Variants in FAM171B observed in about 807,000 individuals in gnomAD.
The protein encoded by FAM171B is family with sequence similarity 171 member B.
In FAM171B, 19 loss-of-function variants were observed where a neutral mutation model predicts 75.6. The observed-to-expected ratio is 0.25, with a 90% CI of 0.18 to 0.37. The LOEUF (loss-of-function observed/expected upper bound fraction) is 0.37, where lower values mean the gene tolerates loss of function less well. Ranked by LOEUF, FAM171B falls within the 10% of genes least tolerant of loss-of-function variation. The pLI is 1.00. For synonymous variants in FAM171B, 367 were observed against 361.7 expected (o/e 1.01, Z -0.17); for missense variants, 848 against 982.4 (o/e 0.86, Z 1.83).
At chr2:186,734,702 C>T (rs938298737) in intron 1 of FAM171B, among the ~76,000 whole-genome samples, 3 of 152,288 alleles carry the variant, frequency 2.0e-5, no homozygotes, top group East Asian at 1.9e-4. Flanking sequence ...ACCTGGCCCC[C>T]GTGCTTCAGG....
At chr2:186,751,029 A>G (rs1463067975) in intron 4 of FAM171B, 105 bp from the exon 5 acceptor site, 7 of 821,556 alleles carry the variant, frequency 8.5e-6, no homozygotes, top group Non-Finnish European at 1.3e-5. Flanking sequence ...ATTAAAATAG[A>G]TAACCCTTGG....
In FAM171B at chr2:186,751,223, CA is replaced by C; in HGVS notation, c.816del (p.Val273PhefsTer8). On this transcript the variant is annotated frameshift_variant, in exon 5 of 8. Coordinates refer to ENST00000304698, the MANE Select transcript of FAM171B (RefSeq NM_177454.4). LOFTEE classifies it high-confidence loss of function. ...GKELKVNGSI[Q>X]VSLPLLRLND... ...AGAACTAAAGGTCAATGGCTCTATT[CA>C]AGTTTCTCTTCCTCTTCTACGTCTG... 1 of 1,611,810 alleles carries C rather than the reference CA, an allele frequency of 6.2e-7. No individual in the cohort carries two copies. The highest frequency in any genetic ancestry group is 1.7e-4 in the Middle Eastern group (1 of 6,050).
chr2:186,734,625 C>T (rs1366284093), intron 1 of FAM171B, among the ~76,000 whole-genome samples: 2 of 152,176 alleles, frequency 1.3e-5, no homozygotes, highest in Non-Finnish European at 2.9e-5. Flanking sequence ...GAAGTACATG[C>T]TGATTGGTCC....
At chr2:186,733,652 G>C (rs1280870580) in intron 1 of FAM171B, among the ~76,000 whole-genome samples, 1 of 152,188 alleles carries the variant, frequency 6.6e-6, no homozygotes, top group Non-Finnish European at 1.5e-5. Context: ...GAGTGAGTGT[G>C]GGTGAGTGGG....
intron 4 of FAM171B, among the ~76,000 whole-genome samples, chr2:186,749,936 G>A (rs1047405850): frequency 7.9e-5 from 12 of 151,958 alleles, no homozygotes; most frequent in African/African-American, 1.7e-4. Context: ...AACTGATGAG[G>A]AGTAAATACA....
chr2:186,722,376 A>G (rs1355136691), intron 1 of FAM171B, among the ~76,000 whole-genome samples: 1 of 152,182 alleles, frequency 6.6e-6, no homozygotes, highest in Non-Finnish European at 1.5e-5. Flanking sequence ...AAGATTGATC[A>G]CACTGTTTCT....
At chr2:186,755,226 G>A (rs1690516534) in intron 6 of FAM171B, among the ~76,000 whole-genome samples, 1 of 151,782 alleles carries the variant, frequency 6.6e-6, no homozygotes, top group Admixed American at 6.6e-5. Flanking sequence ...CCACTTCCTG[G>A]GCCTTTTCAG....
intron 1 of FAM171B, among the ~76,000 whole-genome samples, chr2:186,738,360 A>G (rs1419330523): frequency 6.6e-6 from 1 of 151,724 alleles, no homozygotes; most frequent in East Asian, 1.9e-4. Flanking sequence ...AATTTTATTG[A>G]GCAACAAAAG....
intron 1 of FAM171B, among the ~76,000 whole-genome samples, chr2:186,699,237 C>T (rs1243499282): frequency 6.6e-6 from 1 of 152,090 alleles, no homozygotes; most frequent in Non-Finnish European, 1.5e-5. Context: ...AATTTACATT[C>T]CCACCAGTGG....
At chr2:186,737,940 C>T (rs773207341) in intron 1 of FAM171B, among the ~76,000 whole-genome samples, 1 of 152,210 alleles carries the variant, frequency 6.6e-6, no homozygotes, top group African/African-American at 2.4e-5. Context: ...GTGCTCGGCT[C>T]GCGCCTGCTC....
In FAM171B at chr2:186,747,101, C is replaced by A; in HGVS notation, c.575C>A (p.Ser192Tyr). The change falls in exon 4 of 8, where the codon TCT becomes TAT. Residue 192 changes from serine (S) to tyrosine (Y), a missense_variant. Physicochemically the swap from Ser to Tyr is moderately radical, Grantham distance 144. Coordinates refer to ENST00000304698, the MANE Select transcript of FAM171B (RefSeq NM_177454.4). Reference protein sequence around the residue: ...LITGKLADAKSQPSVQFSKAL... With the variant: ...LITGKLADAKYQPSVQFSKAL... ...GTTTCCTTTTTTCCAGATGCCAAGT[C>A]TCAACCAAGTGTTCAGTTTTCAAAA... 2 of 1,587,906 alleles carry A rather than the reference C, an allele frequency of 1.3e-6. No homozygotes were observed. The highest frequency in any genetic ancestry group is 2.3e-5 in the South Asian group (2 of 85,162).
chr2:186,739,825 C>T (rs1290633325), intron 1 of FAM171B, among the ~76,000 whole-genome samples: 2 of 152,152 alleles, frequency 1.3e-5, no homozygotes, highest in Non-Finnish European at 2.9e-5. Flanking sequence ...GTTTTATATG[C>T]TGTACCTAAT....
At chr2:186,712,001 A>C (rs1389720818) in intron 1 of FAM171B, among the ~76,000 whole-genome samples, 1 of 152,054 alleles carries the variant, frequency 6.6e-6, no homozygotes, top group Non-Finnish European at 1.5e-5. Context: ...TGAGCTTATG[A>C]ATTTCTTTAA....
chr2:186,740,175 A>T (rs1690266774), intron 1 of FAM171B, 53 bp from the exon 2 acceptor site: 13 of 1,274,776 alleles, frequency 1.0e-5, no homozygotes, highest in Non-Finnish European at 1.4e-5. Context: ...AAAGACTATG[A>T]CATATGCATT....
In FAM171B at chr2:186,726,308, A is replaced by G. The variant is rs77358232; in HGVS notation, c.239-13920A>G. Among the ~76,000 whole-genome samples, 1,469 of 152,216 alleles carry G rather than the reference A, an allele frequency of 9.7e-3. 28 individuals are homozygous for G. Among genetic ancestry groups the G allele is most frequent in the African/African-American group, 0.033 (1,384 of 41,538 alleles). On this transcript the variant is annotated intron_variant, in intron 1 of 7. Coordinates refer to ENST00000304698, the MANE Select transcript of FAM171B (RefSeq NM_177454.4). ...CTTTTTCTTTTAAACCTCAAAGCCA[A>G]TAAGAGTTTGGATCCAATCTGGGGC... is the stretch of plus-strand genomic sequence containing the variant.
chr2:186,699,798 T>A (rs1044982858), intron 1 of FAM171B, among the ~76,000 whole-genome samples: 2 of 152,204 alleles, frequency 1.3e-5, no homozygotes, highest in African/African-American at 2.4e-5. Flanking sequence ...TTGATTTTTG[T>A]ATATGGTGAG....
At chr2:186,760,257 A>T (rs1335185487) in intron 6 of FAM171B, among the ~76,000 whole-genome samples, 2 of 152,116 alleles carry the variant, frequency 1.3e-5, no homozygotes, top group African/African-American at 4.8e-5. Context: ...TCATAGCAGG[A>T]GGATAGTTGG....
At chr2:186,718,483 C>T (rs1393071864) in intron 1 of FAM171B, among the ~76,000 whole-genome samples, 2 of 152,172 alleles carry the variant, frequency 1.3e-5, no homozygotes, top group African/African-American at 2.4e-5. Context: ...TCAATTATTT[C>T]CTACTTGAAA....
At chr2:186,707,028 G>A (rs1173604875) in intron 1 of FAM171B, among the ~76,000 whole-genome samples, 1 of 151,924 alleles carries the variant, frequency 6.6e-6, no homozygotes, top group Non-Finnish European at 1.5e-5. Flanking sequence ...TCCTCTCCCC[G>A]AGGTGGTCAT....
Sources: gnomAD v4.1 joint callset for allele counts (sites outside exome capture counted in the v4.1 genomes callset) on GRCh38, gnomAD v4.1.1 for gene constraint, MANE v1.5 for transcripts, NCBI Gene and HGNC (gene_info 2026-07-23, HGNC 2026-07-21) for gene names.